LRBA: variants seen among roughly 807,000 people sequenced by gnomAD.
LRBA encodes LPS responsive beige-like anchor protein.
In LRBA, 176 loss-of-function variants were observed where a neutral mutation model predicts 330.0. The ratio of observed to expected loss-of-function variants is 0.53; its 90% CI spans 0.47 to 0.60. The LOEUF (loss-of-function observed/expected upper bound fraction) is 0.60. LRBA is among the 20% of genes least tolerant of loss of function. The pLI, the probability that LRBA is intolerant of heterozygous loss-of-function variation, is 0.00. For synonymous variants in LRBA, 1,230 were observed against 1,193.0 expected (o/e 1.03, Z -0.64); for missense variants, 3,259 against 3,444.8 (o/e 0.95, Z 1.35).
chr4:150,349,900 A>G, intron 48 of LRBA, 92 bp downstream of exon 48: 1 of 1,093,124 alleles, frequency 9.1e-7, no homozygotes, highest in Non-Finnish European at 1.3e-6. Context: ...TTTCTTCATC[A>G]CTAAAATCAA....
At chr4:150,383,375 TA>T (rs1742575542) in intron 47 of LRBA, among the ~76,000 whole-genome samples, 1 of 152,100 alleles carries the variant, frequency 6.6e-6, no homozygotes, top group Non-Finnish European at 1.5e-5. Flanking sequence ...GCCTCCCAAG[TA>T]GCTGGGACTA....
intron 37 of LRBA, among the ~76,000 whole-genome samples, chr4:150,606,945 A>G (rs1774702558): frequency 6.6e-6 from 1 of 152,238 alleles, no homozygotes; most frequent in African/African-American, 2.4e-5. Flanking sequence ...TTGATCAAAG[A>G]GTAAACCGAT....
intron 37 of LRBA, among the ~76,000 whole-genome samples, chr4:150,673,619 T>A (rs1048315196): frequency 6.6e-6 from 1 of 152,198 alleles, no homozygotes; most frequent in Non-Finnish European, 1.5e-5. Context: ...TTGGCATATG[T>A]GTGATAGACA....
chr4:150,998,164 C>A (rs1356605900), intron 2 of LRBA, among the ~76,000 whole-genome samples: 1 of 151,608 alleles, frequency 6.6e-6, no homozygotes, highest in Non-Finnish European at 1.5e-5. Flanking sequence ...CTGGCCTGAC[C>A]AAGATGGAGA....
At position 150,558,811 on chromosome 4, in the gene LRBA, T is replaced by C. The variant is rs141541738; in HGVS notation, c.6330+29237A>G. On this transcript the variant is annotated intron_variant, in intron 40 of 56. Transcript: ENST00000651943. ...ATTTGTATTTATATTAAGCTAAATA[T>C]GATTTAAGACTCTGACTCTAATCTA... Among the ~76,000 whole-genome samples, 248 of 152,358 alleles carry C rather than the reference T, an allele frequency of 1.6e-3. 4 individuals are homozygous for C. Among genetic ancestry groups the C allele is most frequent in the Non-Finnish European group, 8.8e-5 (6 of 68,028 alleles).
intron 48 of LRBA, among the ~76,000 whole-genome samples, chr4:150,340,648 A>G (rs893400114): frequency 6.6e-5 from 10 of 152,174 alleles, no homozygotes; most frequent in African/African-American, 2.2e-4. Flanking sequence ...AGTGCTTTTC[A>G]TATGTGACTT....
chr4:150,882,902 A>C (rs950607987), intron 17 of LRBA, among the ~76,000 whole-genome samples: 6 of 152,342 alleles, frequency 3.9e-5, no homozygotes, highest in African/African-American at 1.4e-4. Flanking sequence ...TGTTTAAATG[A>C]TTTCATGGTA....
intron 2 of LRBA, 92 bp downstream of exon 2, chr4:151,014,335 C>T (rs1745188027): frequency 2.0e-6 from 2 of 977,962 alleles, no homozygotes; most frequent in African/African-American, 1.6e-5. Context: ...AAGTCACCAT[C>T]AGTGTGAGTA....
intron 13 of LRBA, among the ~76,000 whole-genome samples, chr4:150,900,913 T>C (rs1730651496): frequency 1.3e-5 from 2 of 152,168 alleles, no homozygotes; most frequent in Non-Finnish European, 2.9e-5. Context: ...TAAGAAGTTA[T>C]ATATGTTTAT....
intron 47 of LRBA, among the ~76,000 whole-genome samples, chr4:150,387,988 A>G (rs1460590738): frequency 2.0e-5 from 3 of 152,238 alleles, no homozygotes; most frequent in Non-Finnish European, 4.4e-5. Flanking sequence ...TCTGGCTGCC[A>G]TAATAAAATA....
intron 51 of LRBA, among the ~76,000 whole-genome samples, chr4:150,313,210 T>C (rs1366655038): frequency 2.6e-5 from 4 of 152,176 alleles, no homozygotes; most frequent in Admixed American, 1.3e-4. Context: ...GATAAAAAAG[T>C]AATAATGTGA....
At chr4:150,737,571 C>T (rs1289949348) in intron 35 of LRBA, among the ~76,000 whole-genome samples, 4 of 151,678 alleles carry the variant, frequency 2.6e-5, no homozygotes, top group African/African-American at 9.7e-5. Context: ...GAAAGAAAAG[C>T]ATTCTATCCT....
At chr4:150,922,000 G>T (rs1361303751) in intron 4 of LRBA, among the ~76,000 whole-genome samples, 1 of 152,120 alleles carries the variant, frequency 6.6e-6, no homozygotes, top group Non-Finnish European at 1.5e-5. Flanking sequence ...TGGGATTACA[G>T]GCGTAAGCCA....
chr4:150,788,858 T>C (rs559834091), intron 34 of LRBA, among the ~76,000 whole-genome samples: 115 of 152,098 alleles, frequency 7.6e-4, no homozygotes, highest in Non-Finnish European at 1.3e-3. Context: ...GTGGATCACC[T>C]GAGGTCAAGA....
intron 2 of LRBA, among the ~76,000 whole-genome samples, chr4:150,939,216 G>A (rs1449798068): frequency 6.6e-6 from 1 of 152,142 alleles, no homozygotes; most frequent in Non-Finnish European, 1.5e-5. Context: ...TTAACCTCCA[G>A]TGCTTCAAAA....
intron 2 of LRBA, among the ~76,000 whole-genome samples, chr4:150,970,153 T>A (rs1433029262): frequency 6.6e-6 from 1 of 152,162 alleles, no homozygotes; most frequent in Non-Finnish European, 1.5e-5. Context: ...AAGCATTTTT[T>A]TAATGAAGGT....
intron 44 of LRBA, among the ~76,000 whole-genome samples, chr4:150,445,418 T>TAC (rs1315653081): frequency 4.9e-5 from 7 of 141,904 alleles, no homozygotes; most frequent in African/African-American, 1.0e-4. Flanking sequence ...TATACATATA[T>TAC]ACACACACAC....
chr4:150,782,865 T>C (rs919246364), intron 34 of LRBA, among the ~76,000 whole-genome samples: 2 of 151,770 alleles, frequency 1.3e-5, no homozygotes, highest in Non-Finnish European at 2.9e-5. Context: ...AAATTCAAAA[T>C]ATGCAAAGGA....
In LRBA at chr4:150,964,181, G is replaced by C. The variant is rs538809739; in HGVS notation, c.217-35116C>G. Among the ~76,000 whole-genome samples the C allele has an allele frequency of 8.8e-5, 13 of 146,894 alleles. No homozygotes were observed. The South Asian group carries it at 2.5e-3, about 29-fold the overall frequency. ...CGTCTGGGAGGTGGGGGGCCCCTCT[G>C]CCCAGCCACCCCATCTGGGAAGTGA... On this transcript the variant is annotated intron_variant, in intron 2 of 56. Coordinates refer to ENST00000651943, the MANE Select transcript of LRBA (RefSeq NM_001364905.1).
Sources: gnomAD v4.1 joint callset for allele counts (sites outside exome capture counted in the v4.1 genomes callset) on GRCh38, gnomAD v4.1.1 for gene constraint, MANE v1.5 for transcripts, NCBI Gene and HGNC (gene_info 2026-07-23, HGNC 2026-07-21) for gene names.